The following PRKG2 variants were observed in gnomAD, a reference collection of about 807,000 sequenced individuals.
The protein encoded by PRKG2 is cGMP-dependent protein kinase 2.
In PRKG2, 33 loss-of-function variants were observed where a neutral mutation model predicts 97.2. The ratio of observed to expected loss-of-function variants is 0.34; its 90% CI spans 0.26 to 0.45. PRKG2 has a LOEUF of 0.45. Among genes scored for constraint, PRKG2 ranks in the 20% least tolerant of loss-of-function variants. PRKG2 has a pLI of 1.00. For missense variants in PRKG2, 638 were observed against 900.0 expected, an observed-to-expected ratio of 0.71 and a Z score of 3.73; for synonymous variants, 330 against 321.8, an observed-to-expected ratio of 1.03 and a Z score of -0.27.
rs764556712 is a variant in PRKG2, at chr4:81,144,235, G to C, written c.1250C>G (p.Ala417Gly). 6.2e-7 allele frequency: 1 copy of C among 1,602,830 alleles called. No individual in the cohort carries two copies. The highest frequency in any genetic ancestry group is 8.5e-7 in the Non-Finnish European group (1 of 1,170,218). ...NLNRDDEKRH[A>G]KRSMSNWKLS... ...AGGAAAACATTCCTCCACTTACTTC[G>C]CATGTCTTTTTTCATCATCACGGTT... The change falls in exon 10 of 19, where the codon GCG becomes GGG. Residue 417 changes from alanine to glycine, a missense_variant. By Grantham distance (60) the Ala-to-Gly change is moderately conservative. Around this residue, in one of 3 missense-constraint regions of PRKG2, gnomAD observed 304 missense variants for 460.5 expected, o/e 0.66. Coordinates refer to ENST00000264399, the MANE Select transcript of PRKG2 (RefSeq NM_006259.3).
chr4:81,127,278 A>G (rs1318207484), intron 14 of PRKG2, among the ~76,000 whole-genome samples: 2 of 152,082 alleles, frequency 1.3e-5, no homozygotes, highest in African/African-American at 4.8e-5. Context: ...AGTCTTGCAG[A>G]ATAGTTTGAA....
chr4:81,172,156 T>A (rs1179776497), intron 3 of PRKG2, among the ~76,000 whole-genome samples: 1 of 152,066 alleles, frequency 6.6e-6, no homozygotes, highest in East Asian at 1.9e-4. Flanking sequence ...TTAGCTATTA[T>A]TAATATTATT....
chr4:81,161,913 T>C (rs1435514094), intron 6 of PRKG2, among the ~76,000 whole-genome samples: 1 of 151,976 alleles, frequency 6.6e-6, no homozygotes, highest in Non-Finnish European at 1.5e-5. Context: ...ATTCCAGGGA[T>C]TAGAATCTGG....
At chr4:81,099,429 A>G (rs1742480343) in intron 17 of PRKG2, among the ~76,000 whole-genome samples, 1 of 152,214 alleles carries the variant, frequency 6.6e-6, no homozygotes, top group African/African-American at 2.4e-5. Context: ...AATAAACATA[A>G]TCCAGCATAT....
At chr4:81,152,234 G>T (rs1281262243) in intron 7 of PRKG2, among the ~76,000 whole-genome samples, 180 bp from the exon 8 acceptor site, 1 of 152,176 alleles carries the variant, frequency 6.6e-6, no homozygotes, top group Non-Finnish European at 1.5e-5. Context: ...TTTGATGGAT[G>T]TGGGAAGTCC....
chr4:81,155,144 C>T (rs1488842012), intron 6 of PRKG2, among the ~76,000 whole-genome samples: 3 of 132,308 alleles, frequency 2.3e-5, no homozygotes, highest in Non-Finnish European at 4.5e-5. Context: ...CGCCACTGCA[C>T]TCCAGCCTGG....
chr4:81,112,714 C>T (rs1384306252), intron 14 of PRKG2, among the ~76,000 whole-genome samples: 1 of 152,140 alleles, frequency 6.6e-6, no homozygotes, highest in Non-Finnish European at 1.5e-5. Context: ...TGGTCTAATC[C>T]ATTTCGTCAG....
intron 7 of PRKG2, 88 bp from the exon 8 acceptor site, chr4:81,152,142 C>A: frequency 1.1e-6 from 1 of 942,706 alleles, no homozygotes; most frequent in Admixed American, 2.5e-5. Flanking sequence ...CCCTCTAGAC[C>A]TATATAAACT....
rs953247501 is a variant in PRKG2 at position 81,171,749 on chromosome 4, C to A, written c.684G>T (p.Trp228Cys). The A allele has an allele frequency of 6.2e-7, 1 of 1,611,484 alleles. No individual in the cohort carries two copies. Among genetic ancestry groups the A allele is most frequent in the Non-Finnish European group, 8.5e-7 (1 of 1,178,724 alleles). The stretch of plus-strand genomic sequence containing the variant: ...AAATGGCAAGCTCCCCAAATGTGGT[C>A]CACATAGGGATGGAGGACAGCAATT... ...GEKLLSSIPM[W>C]TTFGELAILY... Residue 228 changes from tryptophan (W) to cysteine (C), a missense_variant, in exon 4 of 19, where the codon TGG becomes TGT. Trp to Cys is a radical substitution (Grantham distance 215). Around this residue, in one of 3 missense-constraint regions of PRKG2, gnomAD observed 332 missense variants for 421.7 expected, o/e 0.79. Coordinates refer to ENST00000264399, the MANE Select transcript of PRKG2 (RefSeq NM_006259.3).
At chr4:81,172,714 T>C (rs17005082) in intron 3 of PRKG2, among the ~76,000 whole-genome samples, 20,923 of 152,044 alleles carry the variant, frequency 0.14, 1,703 homozygotes, top group Middle Eastern at 0.22. Context: ...AGTGATGGGG[T>C]AATATCTCCT....
At chr4:81,155,686 C>T (rs928041749) in intron 6 of PRKG2, among the ~76,000 whole-genome samples, 19 of 151,380 alleles carry the variant, frequency 1.3e-4, no homozygotes, top group Non-Finnish European at 2.4e-4. Context: ...AGAGAAAGGT[C>T]GGGTTACCCT....
chr4:81,104,523 T>G, intron 16 of PRKG2, 91 bp from the exon 17 acceptor site: 2 of 568,090 alleles, frequency 3.5e-6, no homozygotes, highest in Non-Finnish European at 5.1e-6. Context: ...TTAACATCTA[T>G]TTGTTAATTA....
chr4:81,133,087 C>G (rs890611670), intron 14 of PRKG2, among the ~76,000 whole-genome samples: 1 of 151,970 alleles, frequency 6.6e-6, no homozygotes, highest in Non-Finnish European at 1.5e-5. Flanking sequence ...TACATTGATT[C>G]TTGGGAACTT....
rs542415388 is a variant in PRKG2, at chr4:81,119,596, T to C, written c.1777-8985A>G. Among the ~76,000 whole-genome samples, 9 of 152,300 alleles carry C rather than the reference T, an allele frequency of 5.9e-5. No individual in the cohort carries two copies. In the South Asian group the frequency reaches 1.9e-3, roughly 32 times the overall value. On this transcript the variant is annotated intron_variant, in intron 14 of 18. Coordinates refer to ENST00000264399, the MANE Select transcript of PRKG2 (RefSeq NM_006259.3). ...TGTTACATTGGCTATTCTGGGTCTCTTGCCTCCATATATAAATTTTAGAAT... is the reference window on the plus strand; with the variant it reads ...TGTTACATTGGCTATTCTGGGTCTCCTGCCTCCATATATAAATTTTAGAAT...
At position 81,155,805 on chromosome 4, in the gene PRKG2, C is replaced by G. The variant is rs1388852493; in HGVS notation, c.913-2084G>C. On this transcript the variant is annotated intron_variant, in intron 6 of 18. Transcript: ENST00000264399. Reference sequence around the variant, plus strand: ...TTCTTAAAGAAAAGAATTTTCAACCCAGAATTTCATATCCAGCCAAACTAA... The same window carrying G: ...TTCTTAAAGAAAAGAATTTTCAACCGAGAATTTCATATCCAGCCAAACTAA... Among the ~76,000 whole-genome samples the G allele has an allele frequency of 7.9e-5, 12 of 151,978 alleles. No homozygotes were observed. In the East Asian group the frequency reaches 2.1e-3, roughly 27 times the overall value.
chr4:81,167,301 CT>C, intron 5 of PRKG2, 77 bp from the exon 6 acceptor site: 1 of 908,390 alleles, frequency 1.1e-6, no homozygotes, highest in Non-Finnish European at 1.6e-6. Flanking sequence ...ATTCTAAAAT[CT>C]TTACATACAT....
intron 2 of PRKG2, among the ~76,000 whole-genome samples, chr4:81,195,892 G>T (rs1752931233): frequency 1.3e-5 from 2 of 152,140 alleles, no homozygotes; most frequent in Admixed American, 6.6e-5. Context: ...TCCTAAACAG[G>T]AATCTCACAC....
chr4:81,200,757 TG>T, intron 2 of PRKG2, among the ~76,000 whole-genome samples: 1 of 152,326 alleles, frequency 6.6e-6, no homozygotes, highest in Non-Finnish European at 1.5e-5. Context: ...GGTCTTCTGA[TG>T]TTCAACATAT....
At chr4:81,157,984 G>C (rs1344893761) in intron 6 of PRKG2, among the ~76,000 whole-genome samples, 2 of 148,996 alleles carry the variant, frequency 1.3e-5, no homozygotes, top group Non-Finnish European at 2.9e-5. Flanking sequence ...TACTGAATGG[G>C]CAAAAACTGG....
Sources: allele counts gnomAD v4.1 joint callset (sites outside exome capture counted in the v4.1 genomes callset), GRCh38; gene constraint gnomAD v4.1.1; regional missense constraint gnomAD v4.1.1; transcripts MANE v1.5; gene names NCBI Gene and HGNC (gene_info 2026-07-23, HGNC 2026-07-21).